The following WIPI1 variants were observed in gnomAD, a reference collection of about 807,000 sequenced individuals.
The protein encoded by WIPI1 is WD repeat domain, phosphoinositide interacting 1, also known as WD repeat domain phosphoinositide-interacting protein 1.
In WIPI1, 45 loss-of-function variants were observed where a neutral mutation model predicts 55.3. That is an observed-to-expected ratio of 0.81 (90% CI 0.64 to 1.04). WIPI1 has a LOEUF of 1.04. Ranked by LOEUF, WIPI1 falls within the 50% of genes least tolerant of loss-of-function variation. The pLI is 0.00. For synonymous variants in WIPI1, 195 were observed against 217.6 expected (o/e 0.90, Z 0.92); for missense variants, 445 against 559.0 (o/e 0.80, Z 2.06).
chr17:68,422,194 G>C (rs567667703), intron 12 of WIPI1: 2 of 196,620 alleles, frequency 1.0e-5, no homozygotes, highest in Non-Finnish European at 2.2e-5. Flanking sequence ...TTGGGAGGCT[G>C]AGGTGGGTGG....
At position 68,421,803 on chromosome 17, in the gene WIPI1, T is replaced by C; in HGVS notation, c.1311A>G (p.Gly437=). The C allele has an allele frequency of 6.2e-7, 1 of 1,614,214 alleles. No individual in the cohort carries two copies. The change falls in exon 13 of 13, where the codon GGA becomes GGG. Residue 437 remains glycine (G), a synonymous_variant. Coordinates refer to ENST00000262139, the MANE Select transcript of WIPI1 (RefSeq NM_017983.7). ...NEFPPIILCR[G]NQKGKTKQS ...ACTGCTTCGTTTTGCCCTTCTGATT[T>C]CCACGGCACAAGATTATCTACCAAA...
At chr17:68,426,254 G>GGCCCCCCCCCCCCCCC in intron 11 of WIPI1, 79 bp from the exon 12 acceptor site, 1 of 816,906 alleles carries the variant, frequency 1.2e-6, no homozygotes, top group Non-Finnish European at 1.9e-6. Context: ...GGGAGCGGGG[G>GGCCCCCCCCCCCCCCC]CTCAAATAAA....
chr17:68,452,675 C>T (rs2084540992), intron 2 of WIPI1, among the ~76,000 whole-genome samples: 1 of 152,302 alleles, frequency 6.6e-6, no homozygotes, highest in African/African-American at 2.4e-5. Flanking sequence ...TGATTTCACA[C>T]AAATAATTTC....
intron 10 of WIPI1, 172 bp from the exon 11 acceptor site, chr17:68,427,425 C>T (rs1230607798): frequency 1.1e-5 from 5 of 469,532 alleles, no homozygotes; most frequent in Non-Finnish European, 1.5e-5. Flanking sequence ...GGCGCAATCT[C>T]GGCTCACTGC....
chr17:68,446,181 T>C (rs984046752), intron 3 of WIPI1, among the ~76,000 whole-genome samples: 5 of 151,904 alleles, frequency 3.3e-5, no homozygotes, highest in Non-Finnish European at 7.4e-5. Context: ...TAAACACATT[T>C]CTCAATTTTT....
chr17:68,444,915 CTTTTTTT>C (rs10607287), intron 3 of WIPI1, among the ~76,000 whole-genome samples: 84 of 89,094 alleles, frequency 9.4e-4, no homozygotes, highest in African/African-American at 3.9e-3. Flanking sequence ...ATCCTGAACA[CTTTTTTT>C]TTTTTTTTTT....
chr17:68,451,727 C>T (rs1473171484), intron 2 of WIPI1, among the ~76,000 whole-genome samples: 1 of 152,112 alleles, frequency 6.6e-6, no homozygotes, highest in Admixed American at 6.5e-5. Flanking sequence ...CTCCCCCCAC[C>T]CCCTATCTTG....
rs150240329 is a variant in WIPI1, at chr17:68,436,977, G to C, written c.431-498C>G. Among the ~76,000 whole-genome samples, 1,218 of 145,344 alleles carry C rather than the reference G, an allele frequency of 8.4e-3. 20 individuals carry two copies. Among genetic ancestry groups the C allele is most frequent in the African/African-American group, 0.03 (1,151 of 37,772 alleles). ...CCACTGCACTCCAGCCTGGGCTACAGAGTGAGACCCCGTCTCAAAAAAAAA... is the reference window on the plus strand; with the variant it reads ...CCACTGCACTCCAGCCTGGGCTACACAGTGAGACCCCGTCTCAAAAAAAAA... On this transcript the variant is annotated intron_variant, in intron 4 of 12. Coordinates refer to ENST00000262139, the MANE Select transcript of WIPI1 (RefSeq NM_017983.7).
intron 4 of WIPI1, among the ~76,000 whole-genome samples, chr17:68,438,720 C>T (rs1194576001): frequency 6.6e-6 from 1 of 152,190 alleles, no homozygotes; most frequent in East Asian, 1.9e-4. Context: ...CCTGTCTCAG[C>T]CTGCCAAGTA....
chr17:68,433,027 C>T (rs902664777), intron 8 of WIPI1, among the ~76,000 whole-genome samples: 2 of 152,168 alleles, frequency 1.3e-5, no homozygotes, highest in African/African-American at 4.8e-5. Flanking sequence ...GCTTCCCAAG[C>T]GCTCAGTGGT....
rs535205028 is a variant in WIPI1, at chr17:68,447,603, C to G, written c.334-3014G>C. Reference sequence around the variant, plus strand: ...ACTAGGTCTCGTTACATTGCCCAAGCTGGACTCAAACTCCTGGGCTCAAGC... The same window carrying G: ...ACTAGGTCTCGTTACATTGCCCAAGGTGGACTCAAACTCCTGGGCTCAAGC... On this transcript the variant is annotated intron_variant, in intron 3 of 12. Coordinates refer to ENST00000262139, the MANE Select transcript of WIPI1 (RefSeq NM_017983.7). Among the ~76,000 whole-genome samples the G allele has an allele frequency of 5.3e-5, 8 of 152,108 alleles. No individual in the cohort carries two copies. In the South Asian group the frequency reaches 1.2e-3, roughly 24 times the overall value.
At chr17:68,447,562 T>C (rs747537135) in intron 3 of WIPI1, among the ~76,000 whole-genome samples, 1 of 151,932 alleles carries the variant, frequency 6.6e-6, no homozygotes, top group Non-Finnish European at 1.5e-5. Flanking sequence ...ATTTTTATAG[T>C]AAAGACCTAG....
chr17:68,421,514 T>C lies in WIPI1; in HGVS notation c.*259A>G, dbSNP rs111908872. Reference sequence around the variant, plus strand: ...AAATTCCGGTTATATACCAATATGGTTAATTAGCATTTACACTATAGTTTG... The same window carrying C: ...AAATTCCGGTTATATACCAATATGGCTAATTAGCATTTACACTATAGTTTG... On this transcript the variant is annotated 3_prime_UTR_variant, in exon 13 of 13. Coordinates refer to ENST00000262139, the MANE Select transcript of WIPI1 (RefSeq NM_017983.7). The C allele has an allele frequency of 1.6e-3, 827 of 503,854 alleles. 6 individuals carry two copies. The highest frequency in any genetic ancestry group is 0.014 in the African/African-American group (722 of 52,614). The allele number at this position is 503,854 out of a possible 1,614,324, so 31.2% of individuals were successfully genotyped here. A position where few individuals can be genotyped will look rare whatever the true frequency, so the allele number is the denominator to read the frequency against.
chr17:68,446,443 A>G (rs2084287759), intron 3 of WIPI1, among the ~76,000 whole-genome samples: 1 of 151,980 alleles, frequency 6.6e-6, no homozygotes, highest in Non-Finnish European at 1.5e-5. Context: ...CGGCCTCCCA[A>G]AGTGCTGGGA....
chr17:68,428,458 C>A (rs1332517220), intron 10 of WIPI1: 1 of 202,160 alleles, frequency 4.9e-6, no homozygotes, highest in East Asian at 1.4e-4. Context: ...GTCTTGAACA[C>A]CTGGACTCAA....
intron 5 of WIPI1, 87 bp downstream of exon 5, chr17:68,436,295 C>T (rs896004970): frequency 1.6e-5 from 20 of 1,250,058 alleles, no homozygotes; most frequent in Admixed American, 6.9e-5. Context: ...CTCCAGCCCC[C>T]GACGGCAGGG....
At chr17:68,426,051 C>A in intron 12 of WIPI1, 24 bp downstream of exon 12, 1 of 1,604,520 alleles carries the variant, frequency 6.2e-7, no homozygotes, top group African/African-American at 1.3e-5. Context: ...CTGAGCCGCC[C>A]AGTTACGGGT....
chr17:68,444,294 G>A (rs753299358), intron 4 of WIPI1, among the ~76,000 whole-genome samples, 199 bp downstream of exon 4: 1 of 152,134 alleles, frequency 6.6e-6, no homozygotes, highest in Non-Finnish European at 1.5e-5. Flanking sequence ...GCAATGAAGG[G>A]CACACAGCCC....
At chr17:68,451,630 C>A (rs910197918) in intron 2 of WIPI1, among the ~76,000 whole-genome samples, 3 of 152,176 alleles carry the variant, frequency 2.0e-5, no homozygotes, top group Admixed American at 1.3e-4. Context: ...CGTGACTTCT[C>A]AGTTGGGAAC....
Sources: allele counts gnomAD v4.1 joint callset (sites outside exome capture counted in the v4.1 genomes callset), GRCh38; gene constraint gnomAD v4.1.1; transcripts MANE v1.5; gene names NCBI Gene and HGNC (gene_info 2026-07-23, HGNC 2026-07-21).